KLHL5: variants seen among roughly 807,000 people sequenced by gnomAD.
KLHL5 encodes the protein kelch-like protein 5.
In KLHL5, 48 loss-of-function variants were observed where a neutral mutation model predicts 77.7. The observed-to-expected ratio is 0.62, with a 90% CI of 0.49 to 0.79. KLHL5 has a LOEUF of 0.79. KLHL5 is among the 30% of genes least tolerant of loss of function. The pLI is 0.00. For synonymous variants in KLHL5, 260 were observed against 297.0 expected (o/e 0.88, Z 1.28); for missense variants, 723 against 859.7 (o/e 0.84, Z 1.99).
Position 39,122,439 on chromosome 4 carries a change from G to C in KLHL5, c.*1373G>C, listed in dbSNP as rs1275906312. Reference sequence around the variant, plus strand: ...GGTTATATATTGCAAGTAAGTGGCAGAGCAGGGATTCATACAAAGACCTTC... The same window carrying C: ...GGTTATATATTGCAAGTAAGTGGCACAGCAGGGATTCATACAAAGACCTTC... On this transcript the variant is annotated 3_prime_UTR_variant, in exon 11 of 11. Coordinates refer to ENST00000504108, the MANE Select transcript of KLHL5 (RefSeq NM_015990.5). Among the ~76,000 whole-genome samples the C allele has an allele frequency of 6.6e-6, 1 of 152,166 alleles. No individual in the cohort carries two copies. Among genetic ancestry groups the C allele is most frequent in the Non-Finnish European group, 1.5e-5 (1 of 68,030 alleles).
intron 10 of KLHL5, among the ~76,000 whole-genome samples, chr4:39,116,684 G>C (rs1722864252): frequency 6.6e-6 from 1 of 152,106 alleles, no homozygotes. Flanking sequence ...ATCTGTGCTT[G>C]AGAGGAGAAG....
chr4:39,089,842 C>T (rs1175763308), intron 5 of KLHL5, among the ~76,000 whole-genome samples: 1 of 152,194 alleles, frequency 6.6e-6, no homozygotes, highest in African/African-American at 2.4e-5. Flanking sequence ...GGCTTTGATG[C>T]ATCCTCAAGT....
chr4:39,136,792 G>A, the KLHL5 span, among the ~76,000 whole-genome samples: 1 of 152,216 alleles, frequency 6.6e-6, no homozygotes. Flanking sequence ...GCCTGCAGTG[G>A]CTAGTTAGCC....
intron 5 of KLHL5, among the ~76,000 whole-genome samples, chr4:39,089,831 T>G (rs1720358148): frequency 6.6e-6 from 1 of 152,204 alleles, no homozygotes; most frequent in Admixed American, 6.5e-5. Flanking sequence ...AGTCTTCCAG[T>G]GGCTTTGATG....
intron 9 of KLHL5, among the ~76,000 whole-genome samples, chr4:39,113,828 C>A (rs1290419166): frequency 6.6e-6 from 1 of 152,054 alleles, no homozygotes; most frequent in Non-Finnish European, 1.5e-5. Context: ...GGCTGAAGAG[C>A]AAAGAGTGAT....
In KLHL5 at chr4:39,124,548, C is replaced by T. The variant is rs1297251997; in HGVS notation, c.*3482C>T. 6.6e-6 allele frequency among the ~76,000 whole-genome samples: 1 copy of T among 151,980 alleles called. No homozygotes were observed. Among genetic ancestry groups the T allele is most frequent in the Admixed American group, 6.6e-5 (1 of 15,266 alleles). On this transcript the variant is annotated 3_prime_UTR_variant, in exon 11 of 11. Transcript: ENST00000504108. ...GTCAATTGATTTTTGACAAGGGTTC[C>T]AGGACCATTCAATGAAGAAAGAACA...
intron 5 of KLHL5, among the ~76,000 whole-genome samples, chr4:39,089,175 AG>A (rs1196963692): frequency 6.6e-6 from 1 of 152,196 alleles, no homozygotes; most frequent in Non-Finnish European, 1.5e-5. Flanking sequence ...CAGTGGATAT[AG>A]ATAGAAATTA....
the KLHL5 span, among the ~76,000 whole-genome samples, chr4:39,141,433 C>G: frequency 1.3e-5 from 2 of 151,214 alleles, no homozygotes; most frequent in East Asian, 3.9e-4. Flanking sequence ...CTCAGCCTCT[C>G]GAGTAGCTGG....
intron 10 of KLHL5, chr4:39,115,790 C>T: frequency 1.9e-6 from 2 of 1,041,144 alleles, no homozygotes; most frequent in South Asian, 3.7e-5. Context: ...CCCTAAATTA[C>T]ACTGAGTAAG....
chr4:39,060,811 A>C (rs2109284431), upstream of KLHL5, among the ~76,000 whole-genome samples: 1 of 152,338 alleles, frequency 6.6e-6, no homozygotes, highest in East Asian at 1.9e-4. Context: ...CGTCCTGCAC[A>C]GTACTGCCAA....
chr4:39,143,092 A>G, the KLHL5 span, among the ~76,000 whole-genome samples: 9 of 152,264 alleles, frequency 5.9e-5, no homozygotes, highest in African/African-American at 2.2e-4. Context: ...ATTAAACTGT[A>G]TGGATTGGAC....
intron 5 of KLHL5, chr4:39,092,950 T>C (rs1720725658): frequency 2.6e-6 from 1 of 377,700 alleles, no homozygotes; most frequent in South Asian, 2.0e-5. Flanking sequence ...TTAGGTTGTT[T>C]CTTAAAAAGT....
chr4:39,055,352 C>G (rs1223640452), intron 1 of KLHL5, among the ~76,000 whole-genome samples: 1 of 152,230 alleles, frequency 6.6e-6, no homozygotes, highest in African/African-American at 2.4e-5. Flanking sequence ...CTGTGGTGGA[C>G]AGACCACTGG....
At chr4:39,063,439 C>A (rs1481407268) in intron 1 of KLHL5, 7 of 272,066 alleles carry the variant, frequency 2.6e-5, no homozygotes, top group East Asian at 1.6e-4. Flanking sequence ...ATGATAGAGT[C>A]ATTTTTTAAT....
chr4:39,070,936 A>ATC (rs1427337511), intron 1 of KLHL5, among the ~76,000 whole-genome samples: 1 of 152,056 alleles, frequency 6.6e-6, no homozygotes, highest in African/African-American at 2.4e-5. Flanking sequence ...GCCCATACTG[A>ATC]TCTTCCCCTT....
rs1723267786 is a variant in KLHL5 at position 39,122,542 on chromosome 4, C to T, written c.*1476C>T. Among the ~76,000 whole-genome samples, 2 of 152,128 alleles carry T rather than the reference C, an allele frequency of 1.3e-5. No homozygotes were observed. Among genetic ancestry groups the T allele is most frequent in the Non-Finnish European group, 2.9e-5 (2 of 68,038 alleles). ...GATTTCGGCCGGGCACAGTGGCTCA[C>T]GCCTATAATTCCCAGCACTTTGGGA... is the stretch of plus-strand genomic sequence containing the variant. On this transcript the variant is annotated 3_prime_UTR_variant, in exon 11 of 11. Transcript: ENST00000504108.
intron 8 of KLHL5, among the ~76,000 whole-genome samples, chr4:39,108,247 A>G (rs1348096482): frequency 6.6e-6 from 1 of 152,074 alleles, no homozygotes; most frequent in Non-Finnish European, 1.5e-5. Context: ...CTCTGAATAA[A>G]CAAATATAGG....
chr4:39,115,475 G>C (rs1278028771), intron 10 of KLHL5, 145 bp downstream of exon 10: 1 of 1,514,306 alleles, frequency 6.6e-7, no homozygotes. Context: ...ATGAGAAAAA[G>C]AGGCAATGTT....
At chr4:39,117,179 T>C (rs573604725) in intron 10 of KLHL5, among the ~76,000 whole-genome samples, 1 of 152,188 alleles carries the variant, frequency 6.6e-6, no homozygotes, top group Admixed American at 6.5e-5. Context: ...CACGCACCTG[T>C]AGTCCTATCT....
Sources: allele counts gnomAD v4.1 joint callset (sites outside exome capture counted in the v4.1 genomes callset), GRCh38; gene constraint gnomAD v4.1.1; transcripts MANE v1.5; gene names NCBI Gene and HGNC (gene_info 2026-07-23, HGNC 2026-07-21).